The following VPS54 variants were observed in gnomAD, a reference collection of about 807,000 sequenced individuals.
VPS54 encodes vacuolar protein sorting-associated protein 54.
VPS54 carries 45 observed loss-of-function variants against 121.5 expected under a neutral mutation model. The ratio of observed to expected loss-of-function variants is 0.37; its 90% CI spans 0.29 to 0.47. The LOEUF (loss-of-function observed/expected upper bound fraction) is 0.47. VPS54 is among the 20% of genes least tolerant of loss of function. The pLI, the probability that VPS54 is intolerant of heterozygous loss-of-function variation, is 0.99. For missense variants in VPS54, 1,090 were observed against 1,131.4 expected (o/e 0.96, Z 0.52); for synonymous variants, 371 against 385.8 (o/e 0.96, Z 0.45).
intron 7 of VPS54, among the ~76,000 whole-genome samples, chr2:63,953,440 G>A (rs1438007734): frequency 6.6e-6 from 1 of 151,974 alleles, no homozygotes; most frequent in African/African-American, 2.4e-5. Flanking sequence ...GCCACCCCTA[G>A]GAAACTTTAA....
At chr2:63,966,241 A>G (rs1265272233) in intron 5 of VPS54, among the ~76,000 whole-genome samples, 5 of 152,248 alleles carry the variant, frequency 3.3e-5, no homozygotes, top group African/African-American at 1.2e-4. Context: ...TCACTCATGC[A>G]GTCCTACAGG....
chr2:63,949,382 T>C (rs1364057920), intron 7 of VPS54, among the ~76,000 whole-genome samples: 4 of 152,166 alleles, frequency 2.6e-5, no homozygotes, highest in Admixed American at 1.3e-4. Context: ...TTGAACAACA[T>C]GGGGGTTAGA....
At chr2:63,904,073 C>G (rs1288174580) in intron 20 of VPS54, among the ~76,000 whole-genome samples, 2 of 151,734 alleles carry the variant, frequency 1.3e-5, no homozygotes, top group African/African-American at 4.8e-5. Context: ...AAACACTATT[C>G]AAAAAAATTG....
At chr2:63,968,924 T>C in intron 5 of VPS54, 33 bp downstream of exon 5, 1 of 1,571,780 alleles carries the variant, frequency 6.4e-7, no homozygotes, top group South Asian at 1.2e-5. Flanking sequence ...TCAAATATTA[T>C]AAGGCAATTT....
rs762645113 is a variant in VPS54, at chr2:63,893,352, G to C, written c.*78C>G. 8 of 1,273,806 alleles carry C rather than the reference G, an allele frequency of 6.3e-6. No individual in the cohort carries two copies. Among genetic ancestry groups the C allele is most frequent in the South Asian group, 5.9e-5 (5 of 84,110 alleles). 78.9% of individuals were successfully genotyped at this position (1,273,806 alleles called of 1,614,324 possible). A position where few individuals can be genotyped will look rare whatever the true frequency, so the allele number is the denominator to read the frequency against. ...ACTTTGGGTTTCAGGTTCAATTCTC[G>C]AATCACAGGCATCCAGATTTTCTTC... On this transcript the variant is annotated 3_prime_UTR_variant, in exon 23 of 23. Transcript: ENST00000272322.
intron 4 of VPS54, among the ~76,000 whole-genome samples, chr2:63,971,811 T>C (rs750348741): frequency 6.6e-6 from 1 of 152,184 alleles, no homozygotes; most frequent in African/African-American, 2.4e-5. Context: ...AGGGTATCAC[T>C]ACGTTACTGT....
At chr2:63,939,679 T>A (rs894172229) in intron 11 of VPS54, among the ~76,000 whole-genome samples, 9 of 151,954 alleles carry the variant, frequency 5.9e-5, no homozygotes, top group African/African-American at 2.2e-4. Flanking sequence ...CCCCAAAGTT[T>A]CTCCTTGTTC....
rs1675122361 is a variant in VPS54, at chr2:63,949,111, T to C, written c.1063A>G (p.Ile355Val). ...ELEKLIDKMM[I>V]AEFSTYSHSD... ...TGAGAATAAGTAGAAAATTCTGCAA[T>C]CATCATTTTATCTATCAGTTTTTCT... Residue 355 changes from isoleucine to valine, a missense_variant, in exon 8 of 23, where the codon ATT becomes GTT. Coordinates refer to ENST00000272322, the MANE Select transcript of VPS54 (RefSeq NM_016516.3). The C allele has an allele frequency of 2.5e-6, 4 of 1,611,446 alleles. No homozygotes were observed. The highest frequency in any genetic ancestry group is 1.7e-5 in the Admixed American group (1 of 59,732).
intron 12 of VPS54, among the ~76,000 whole-genome samples, chr2:63,931,694 A>G (rs1166568136): frequency 6.6e-6 from 1 of 152,234 alleles, no homozygotes; most frequent in Admixed American, 6.5e-5. Flanking sequence ...ACAGCAAAAG[A>G]AACTATCATC....
chr2:63,942,031 C>CAAA (rs34766515), intron 11 of VPS54, among the ~76,000 whole-genome samples: 11 of 77,050 alleles, frequency 1.4e-4, no homozygotes, highest in South Asian at 4.8e-4. Context: ...GACTCCACCT[C>CAAA]AAAAAAAAAA....
intron 20 of VPS54, among the ~76,000 whole-genome samples, chr2:63,903,134 C>T (rs1672760406): frequency 6.6e-6 from 1 of 152,050 alleles, no homozygotes; most frequent in African/African-American, 2.4e-5. Flanking sequence ...GCAGAAGAAA[C>T]TCAAGCATGA....
At chr2:63,919,125 T>C (rs1673519028) in intron 15 of VPS54, among the ~76,000 whole-genome samples, 1 of 152,068 alleles carries the variant, frequency 6.6e-6, no homozygotes, top group South Asian at 2.1e-4. Flanking sequence ...CTATTATAAA[T>C]AAATTTACAT....
At chr2:63,896,919 G>A (rs948245633) in intron 22 of VPS54, among the ~76,000 whole-genome samples, 9 of 152,138 alleles carry the variant, frequency 5.9e-5, no homozygotes, top group African/African-American at 2.2e-4. Flanking sequence ...CTGAGGGGGA[G>A]TAAGTGATTT....
rs145938741 is a variant in VPS54 at position 63,962,367 on chromosome 2, G to C, written c.701C>G (p.Ala234Gly). Residue 234 changes from alanine (A) to glycine (G), a missense_variant, in exon 7 of 23, where the codon GCA (alanine) becomes GGA (glycine). Around this residue, in one of 2 missense-constraint regions of VPS54, gnomAD observed 801 missense variants for 757.0 expected, o/e 1.06. Transcript: ENST00000272322. ...CTGCAACTCGTGTTGAGAGGTCATT[G>C]CATGAAAAAATGCTTCTGAACGTAG... ...ISLRSEAFFH[A>G]MTSQHELQDY... 2 of 1,613,864 alleles carry C rather than the reference G, an allele frequency of 1.2e-6. No individual in the cohort carries two copies. The highest frequency in any genetic ancestry group is 4.5e-5 in the East Asian group (2 of 44,872).
At chr2:63,990,902 T>C (rs1213733657) in intron 1 of VPS54, among the ~76,000 whole-genome samples, 1 of 152,240 alleles carries the variant, frequency 6.6e-6, no homozygotes, top group Non-Finnish European at 1.5e-5. Flanking sequence ...TAAATGGTAT[T>C]ACAAACTTTT....
At chr2:63,981,001 A>T (rs1676778656) in intron 3 of VPS54, among the ~76,000 whole-genome samples, 3 of 152,130 alleles carry the variant, frequency 2.0e-5, no homozygotes, top group Non-Finnish European at 4.4e-5. Flanking sequence ...AAAAGTGCAA[A>T]GTAAGTAAAA....
chr2:63,941,943 A>C (rs1469914834), intron 11 of VPS54, among the ~76,000 whole-genome samples: 2 of 151,724 alleles, frequency 1.3e-5, no homozygotes, highest in African/African-American at 2.4e-5. Context: ...CTGAGGTAGA[A>C]GAATCACTTG....
Position 63,919,885 on chromosome 2 carries a change from C to T in VPS54, c.2162G>A (p.Gly721Glu). 1.9e-6 allele frequency: 3 copies of T among 1,607,336 alleles called. No individual in the cohort carries two copies. The highest frequency in any genetic ancestry group is 2.6e-6 in the Non-Finnish European group (3 of 1,175,856). Residue 721 changes from glycine (G) to glutamate (E), a missense_variant and splice_region_variant, in exon 15 of 23, where the codon GGA (glycine) becomes GAA (glutamate). By Grantham distance (98) the Gly-to-Glu change is moderately conservative (BLOSUM62 -2). Transcript: ENST00000272322. Reference sequence around the variant, plus strand: ...AATGTGTGAATGAATACACATACCTCCTGATTTTTTTTCAGGTAAAGCAAT... The same window carrying T: ...AATGTGTGAATGAATACACATACCTTCTGATTTTTTTTCAGGTAAAGCAAT... ...GKIALPEKKSGATEERKPAEV... is the reference protein window; with the variant it reads ...GKIALPEKKSEATEERKPAEV...
chr2:63,913,875 T>G (rs1673261380), intron 17 of VPS54: 1 of 1,121,220 alleles, frequency 8.9e-7, no homozygotes, highest in Non-Finnish European at 1.1e-6. Context: ...CATGCACATT[T>G]GAAGCCAGTC....
Sources: gnomAD v4.1 joint callset for allele counts (sites outside exome capture counted in the v4.1 genomes callset) on GRCh38, gnomAD v4.1.1 for gene constraint, gnomAD v4.1.1 regional missense constraint, MANE v1.5 for transcripts, NCBI Gene and HGNC (gene_info 2026-07-23, HGNC 2026-07-21) for gene names.